The following CALN1 variants were observed in gnomAD, a reference collection of about 807,000 sequenced individuals.
CALN1 encodes calcium-binding protein 8.
Under a neutral mutation model 30.6 loss-of-function variants are expected in CALN1, and 17 were observed. The observed-to-expected ratio is 0.56, with a 90% CI of 0.38 to 0.83. The LOEUF (loss-of-function observed/expected upper bound fraction) is 0.83, where lower values mean the gene tolerates loss of function less well. CALN1 is among the 40% of genes least tolerant of loss of function. The probability of loss-of-function intolerance (pLI) is 0.00; values close to 1 mark genes in which losing one functional copy is unlikely to be tolerated. For synonymous variants in CALN1, 156 were observed against 131.4 expected (o/e 1.19, Z -1.28); for missense variants, 291 against 354.9 (o/e 0.82, Z 1.45).
chr7:72,071,345 A>T (rs1053869029), intron 4 of CALN1, among the ~76,000 whole-genome samples: 1 of 152,010 alleles, frequency 6.6e-6, no homozygotes, highest in Non-Finnish European at 1.5e-5. Flanking sequence ...TATAAGCTCC[A>T]CCCCACCCCC....
intron 3 of CALN1, among the ~76,000 whole-genome samples, chr7:72,141,007 T>C (rs1332038580): frequency 1.3e-5 from 2 of 152,240 alleles, no homozygotes; most frequent in African/African-American, 2.4e-5. Flanking sequence ...GTGTGGACCA[T>C]GGCAGACTCA....
chr7:72,204,348 G>A (rs953265255), intron 3 of CALN1, among the ~76,000 whole-genome samples: 20 of 151,398 alleles, frequency 1.3e-4, no homozygotes, highest in Admixed American at 7.2e-4. Context: ...TACACAGTTC[G>A]TTGTTGCCTT....
At chr7:72,483,671 C>T in the CALN1 span, among the ~76,000 whole-genome samples, 1 of 152,162 alleles carries the variant, frequency 6.6e-6, no homozygotes, top group Admixed American at 6.6e-5. Flanking sequence ...AAATTTTCAG[C>T]CATTATGTTT....
At chr7:72,302,980 G>C (rs1372981530) in intron 2 of CALN1, among the ~76,000 whole-genome samples, 3 of 150,152 alleles carry the variant, frequency 2.0e-5, no homozygotes, top group Admixed American at 6.7e-5. Flanking sequence ...GACTGAGGCA[G>C]AAGGATCCCT....
intron 3 of CALN1, among the ~76,000 whole-genome samples, chr7:72,181,434 T>C (rs1789797319): frequency 6.6e-6 from 1 of 151,988 alleles, no homozygotes; most frequent in African/African-American, 2.4e-5. Context: ...GATAACCTGT[T>C]AGTCTTTGGA....
chr7:72,175,674 T>C (rs569746899), intron 3 of CALN1, among the ~76,000 whole-genome samples: 39 of 152,286 alleles, frequency 2.6e-4, no homozygotes, highest in African/African-American at 7.7e-4. Context: ...CATGGAGAAG[T>C]AGGCAGACCA....
At chr7:71,947,068 T>C (rs1365880948) in intron 5 of CALN1, among the ~76,000 whole-genome samples, 1 of 152,134 alleles carries the variant, frequency 6.6e-6, no homozygotes, top group African/African-American at 2.4e-5. Context: ...TGGAGTGAAG[T>C]GGCGTGATTT....
At chr7:72,442,981 C>T (rs1808403628) in intron 1 of CALN1, among the ~76,000 whole-genome samples, 2 of 151,326 alleles carry the variant, frequency 1.3e-5, no homozygotes, top group Non-Finnish European at 2.9e-5. Flanking sequence ...TAGGATTGCA[C>T]TTTATTAAGG....
intron 2 of CALN1, among the ~76,000 whole-genome samples, chr7:72,297,036 T>A (rs1384136971): frequency 6.6e-6 from 1 of 152,150 alleles, no homozygotes; most frequent in Non-Finnish European, 1.5e-5. Flanking sequence ...CAATTTTGGA[T>A]CTTTCCTGCT....
At chr7:71,907,169 TAA>T (rs1446070201) in intron 5 of CALN1, among the ~76,000 whole-genome samples, 1 of 152,024 alleles carries the variant, frequency 6.6e-6, no homozygotes, top group Non-Finnish European at 1.5e-5. Context: ...TTCCACTTCA[TAA>T]AGTATGGTCC....
intron 3 of CALN1, among the ~76,000 whole-genome samples, chr7:72,241,270 G>A (rs1232929372): frequency 2.0e-5 from 3 of 152,156 alleles, no homozygotes; most frequent in African/African-American, 7.2e-5. Flanking sequence ...CTAGGGGAAG[G>A]GAGAGTCGTT....
intron 2 of CALN1, among the ~76,000 whole-genome samples, chr7:72,305,113 T>G (rs1392687748): frequency 6.6e-6 from 1 of 152,194 alleles, no homozygotes; most frequent in Non-Finnish European, 1.5e-5. Context: ...AGGGCCCGTG[T>G]TAACAGCTGG....
At chr7:71,927,147 T>C (rs972867189) in intron 5 of CALN1, among the ~76,000 whole-genome samples, 7 of 152,204 alleles carry the variant, frequency 4.6e-5, no homozygotes, top group Non-Finnish European at 1.0e-4. Flanking sequence ...TCTACTGGAA[T>C]TGATCTGGGT....
intron 2 of CALN1, among the ~76,000 whole-genome samples, chr7:72,321,296 G>C (rs1403785517): frequency 1.3e-5 from 2 of 152,192 alleles, no homozygotes; most frequent in Non-Finnish European, 2.9e-5. Context: ...CAGGTGACTT[G>C]GGTTGAGAAA....
chr7:71,996,577 T>A (rs1192441468), intron 5 of CALN1, among the ~76,000 whole-genome samples: 2 of 152,202 alleles, frequency 1.3e-5, no homozygotes, highest in African/African-American at 4.8e-5. Context: ...CTGTTTTATG[T>A]CTGCATAGTA....
intron 2 of CALN1, among the ~76,000 whole-genome samples, chr7:72,369,359 T>TTTGTTGTTGTTG (rs1554390883): frequency 0.034 from 4,954 of 146,670 alleles, 198 homozygotes; most frequent in African/African-American, 0.091. Flanking sequence ...TATTTATTTT[T>TTTGTTGTTGTTG]TTGTTGTTGT....
intron 5 of CALN1, among the ~76,000 whole-genome samples, chr7:71,812,920 CATCATCATCATTATTATT>C (rs1788040488): frequency 1.0e-5 from 1 of 97,890 alleles, no homozygotes; most frequent in Admixed American, 1.0e-4. Context: ...TTTTATTTAT[CATCATCATCATTATTATT>C]ATTATTATTA....
chr7:72,454,722 A>G, the CALN1 span, among the ~76,000 whole-genome samples: 1 of 152,108 alleles, frequency 6.6e-6, no homozygotes, highest in Admixed American at 6.6e-5. Context: ...AGCACACCAC[A>G]TCAAATGTGA....
chr7:71,872,612 CTTTT>C (rs34514644), intron 5 of CALN1, among the ~76,000 whole-genome samples: 1 of 150,226 alleles, frequency 6.7e-6, no homozygotes, highest in African/African-American at 2.5e-5. Context: ...ACTTTTCTTT[CTTTT>C]TTTCTTTTTT....
Sources: gnomAD v4.1 joint callset for allele counts (sites outside exome capture counted in the v4.1 genomes callset) on GRCh38, gnomAD v4.1.1 for gene constraint, MANE v1.5 for transcripts, NCBI Gene and HGNC (gene_info 2026-07-23, HGNC 2026-07-21) for gene names.